CD1B: variants seen among roughly 807,000 people sequenced by gnomAD.
The protein encoded by CD1B is T-cell surface glycoprotein CD1b.
A neutral mutation model predicts 39.8 loss-of-function variants in CD1B; 43 were observed. That is an observed-to-expected ratio of 1.08 (90% confidence interval 0.85 to 1.39). The LOEUF (loss-of-function observed/expected upper bound fraction) is 1.39, where lower values mean the gene tolerates loss of function less well. CD1B is among the 40% of genes most tolerant of loss of function. CD1B has a pLI of 0.00. For synonymous variants in CD1B, 192 were observed against 152.5 expected (o/e 1.26, Z -1.91); for missense variants, 495 against 403.8 (o/e 1.23, Z -1.94).
the CD1B span, among the ~76,000 whole-genome samples, chr1:158,294,315 C>T: frequency 6.6e-6 from 1 of 152,176 alleles, no homozygotes; most frequent in Non-Finnish European, 1.5e-5. Flanking sequence ...AAACTTTAGT[C>T]CCTTTAGGTT....
chr1:158,311,117 T>G, the CD1B span, among the ~76,000 whole-genome samples: 1 of 152,174 alleles, frequency 6.6e-6, no homozygotes, highest in Non-Finnish European at 1.5e-5. Context: ...ATGTAGTATA[T>G]TTTTAGTTTG....
the CD1B span, among the ~76,000 whole-genome samples, chr1:158,314,979 C>T: frequency 6.8e-6 from 1 of 148,000 alleles, no homozygotes; most frequent in East Asian, 2.0e-4. Context: ...CTACAAAGGA[C>T]ATGAACTCAT....
chr1:158,300,607 G>T, the CD1B span, among the ~76,000 whole-genome samples: 1 of 152,018 alleles, frequency 6.6e-6, no homozygotes, highest in Non-Finnish European at 1.5e-5. Flanking sequence ...ATTATTGTGT[G>T]GGAGTATAAG....
downstream of CD1B, among the ~76,000 whole-genome samples, chr1:158,326,063 G>T (rs1399263585): frequency 2.0e-5 from 3 of 152,098 alleles, no homozygotes; most frequent in African/African-American, 4.8e-5. Context: ...TCCGCCTCCC[G>T]GGTTCATGCC....
chr1:158,329,690 G>T, intron 3 of CD1B, 42 bp from the exon 4 acceptor site: 1 of 1,599,184 alleles, frequency 6.3e-7, no homozygotes. Context: ...GTTATAACTC[G>T]AGTTCAGAGG....
chr1:158,288,805 G>A, the CD1B span, among the ~76,000 whole-genome samples: 1 of 152,214 alleles, frequency 6.6e-6, no homozygotes, highest in Non-Finnish European at 1.5e-5. Flanking sequence ...AAAAAACTGT[G>A]TTCATGTATT....
the CD1B span, among the ~76,000 whole-genome samples, chr1:158,311,538 T>C: frequency 3.3e-5 from 5 of 152,184 alleles, no homozygotes; most frequent in African/African-American, 1.2e-4. Flanking sequence ...TTGTTTTGTA[T>C]TACCAGTGCT....
chr1:158,331,412 C>T lies in CD1B; in HGVS notation c.12G>A (p.Leu4=), dbSNP rs1652599842. 1 of 1,613,100 alleles carries T rather than the reference C, an allele frequency of 6.2e-7. No homozygotes were observed. Among genetic ancestry groups the T allele is most frequent in the African/African-American group, 1.3e-5 (1 of 75,004 alleles). The part of the protein sequence containing the change: MLL[L]PFQLLAVLFP... ...AGAGAACAGCTAACAGTTGAAATGGCAGCAGCAGCATTTCACTGGGAGATG... is the reference window on the plus strand; with the variant it reads ...AGAGAACAGCTAACAGTTGAAATGGTAGCAGCAGCATTTCACTGGGAGATG... Residue 4 remains leucine, a synonymous_variant, in exon 1 of 6, where the codon CTG becomes CTA. Transcript: ENST00000368168.
At chr1:158,316,679 A>C in the CD1B span, among the ~76,000 whole-genome samples, 298 of 150,942 alleles carry the variant, frequency 2.0e-3, 2 homozygotes, top group African/African-American at 7.1e-3. Flanking sequence ...CCCTGGCCAG[A>C]ACTTCCAACA....
At chr1:158,324,103 A>G (rs996784990), downstream of CD1B, among the ~76,000 whole-genome samples, 3 of 152,324 alleles carry the variant, frequency 2.0e-5, no homozygotes, top group East Asian at 5.8e-4. Context: ...AACGGACAGA[A>G]GAGATTTTCT....
chr1:158,287,309 A>G, the CD1B span, among the ~76,000 whole-genome samples: 5 of 152,152 alleles, frequency 3.3e-5, no homozygotes, highest in African/African-American at 1.2e-4. Flanking sequence ...ACACAGAGAC[A>G]GAGAGCGACA....
chr1:158,330,817 C>G lies in CD1B; in HGVS notation c.307G>C (p.Ala103Pro), dbSNP rs1652569051. The G allele has an allele frequency of 6.2e-7, 1 of 1,614,164 alleles. No homozygotes were observed. The highest frequency in any genetic ancestry group is 2.2e-5 in the East Asian group (1 of 44,876). Residue 103 changes from alanine (A) to proline (P), a missense_variant, in exon 2 of 6, where the codon GCC (alanine) becomes CCC (proline). Coordinates refer to ENST00000368168, the MANE Select transcript of CD1B (RefSeq NM_001764.3). ...TCACATTTCATCTGGAAATCACCGG[C>G]AAAGTCTTGTACTTCTCGAGCGAAT... is the stretch of plus-strand genomic sequence containing the variant. ...FGFAREVQDFAGDFQMKYPFE... is the reference protein window; with the variant it reads ...FGFAREVQDFPGDFQMKYPFE...
At chr1:158,331,175 C>T in intron 1 of CD1B, 113 bp from the exon 2 acceptor site, 4 of 1,236,936 alleles carry the variant, frequency 3.2e-6, no homozygotes, top group Non-Finnish European at 3.4e-6. Context: ...CTAAAGAACA[C>T]AGGAAGTCTG....
At chr1:158,319,676 C>T in the CD1B span, among the ~76,000 whole-genome samples, 2 of 152,248 alleles carry the variant, frequency 1.3e-5, no homozygotes, top group South Asian at 2.1e-4. Context: ...CAAAGTCGTT[C>T]TCTGTCCAGC....
At position 158,328,164 on chromosome 1, in the gene CD1B, G is replaced by C; in HGVS notation, c.*72C>G. 1 of 1,082,982 alleles carries C rather than the reference G, an allele frequency of 9.2e-7. No individual in the cohort carries two copies. The highest frequency in any genetic ancestry group is 1.4e-6 in the Non-Finnish European group (1 of 718,546). The allele number at this position is 1,082,982 out of a possible 1,614,324, so 67.1% of individuals were successfully genotyped here. On this transcript the variant is annotated 3_prime_UTR_variant, in exon 6 of 6. Transcript: ENST00000368168. ...TTGAAAATCATTTGAAATATGATAAGATTGACTTTTGGGCTGATATCTTGG... is the reference window on the plus strand; with the variant it reads ...TTGAAAATCATTTGAAATATGATAACATTGACTTTTGGGCTGATATCTTGG...
the CD1B span, among the ~76,000 whole-genome samples, chr1:158,309,064 A>C: frequency 6.6e-6 from 1 of 152,316 alleles, no homozygotes; most frequent in African/African-American, 2.4e-5. Flanking sequence ...ATGGGAGAAA[A>C]CTTTTGCAAC....
At chr1:158,305,508 C>A in the CD1B span, among the ~76,000 whole-genome samples, 1 of 152,214 alleles carries the variant, frequency 6.6e-6, no homozygotes, top group Non-Finnish European at 1.5e-5. Context: ...AAACACTCTG[C>A]AGGATATTAT....
At chr1:158,317,145 C>A in the CD1B span, among the ~76,000 whole-genome samples, 9 of 151,766 alleles carry the variant, frequency 5.9e-5, no homozygotes, top group Admixed American at 6.6e-5. Context: ...TGTCTCTGCC[C>A]GGCTTTGGTA....
chr1:158,323,365 A>C (rs529962906), downstream of CD1B, among the ~76,000 whole-genome samples: 10 of 151,972 alleles, frequency 6.6e-5, no homozygotes, highest in South Asian at 2.1e-3. Context: ...GTCCCTGTTA[A>C]ACTTCTCTGA....
Sources: gnomAD v4.1 joint callset for allele counts (sites outside exome capture counted in the v4.1 genomes callset) on GRCh38, gnomAD v4.1.1 for gene constraint, MANE v1.5 for transcripts, NCBI Gene and HGNC (gene_info 2026-07-23, HGNC 2026-07-21) for gene names.